BICD1: variants seen among roughly 807,000 people sequenced by gnomAD.
BICD1 encodes the protein protein bicaudal D homolog 1.
A neutral mutation model predicts 92.5 loss-of-function variants in BICD1; 35 were observed. The observed-to-expected ratio is 0.38, with a 90% confidence interval of 0.29 to 0.50. The LOEUF is 0.50. Among genes scored for constraint, BICD1 ranks in the 20% least tolerant of loss-of-function variants. The pLI, the probability that BICD1 is intolerant of heterozygous loss-of-function variation, is 0.93. For missense variants in BICD1, 950 were observed against 1,189.8 expected, an observed-to-expected ratio of 0.80 and a Z score of 2.97; for synonymous variants, 429 against 465.1, an observed-to-expected ratio of 0.92 and a Z score of 1.00.
intron 1 of BICD1, among the ~76,000 whole-genome samples, chr12:32,124,686 G>C (rs1168644794): frequency 6.6e-6 from 1 of 152,158 alleles, no homozygotes; most frequent in African/African-American, 2.4e-5. Context: ...TGAAGAATAA[G>C]TAGGGATTTT....
chr12:32,302,280 TTA>T (rs1362800739), intron 3 of BICD1, among the ~76,000 whole-genome samples: 2 of 152,202 alleles, frequency 1.3e-5, no homozygotes, highest in Non-Finnish European at 2.9e-5. Flanking sequence ...TCCAAAAGTT[TTA>T]TAACGTGTTA....
At chr12:32,138,867 A>T (rs1359244756) in intron 1 of BICD1, among the ~76,000 whole-genome samples, 2 of 152,192 alleles carry the variant, frequency 1.3e-5, no homozygotes, top group African/African-American at 4.8e-5. Flanking sequence ...ATATAATTAG[A>T]TATCTATATA....
intron 1 of BICD1, among the ~76,000 whole-genome samples, chr12:32,163,867 C>T (rs970857321): frequency 3.3e-5 from 5 of 152,108 alleles, no homozygotes; most frequent in Admixed American, 6.6e-5. Flanking sequence ...AAGACCCCTG[C>T]GTTATCATTT....
intron 2 of BICD1, among the ~76,000 whole-genome samples, chr12:32,219,056 G>A (rs1945438629): frequency 6.6e-6 from 1 of 152,148 alleles, no homozygotes; most frequent in Non-Finnish European, 1.5e-5. Context: ...ATTAACTGAT[G>A]TACAGTGATT....
chr12:32,169,994 C>T (rs1943888252), intron 1 of BICD1, among the ~76,000 whole-genome samples: 1 of 152,182 alleles, frequency 6.6e-6, no homozygotes, highest in Non-Finnish European at 1.5e-5. Flanking sequence ...ACTGTAGAGG[C>T]GAGAATGTGG....
intron 3 of BICD1, among the ~76,000 whole-genome samples, chr12:32,296,735 T>A (rs1305833846): frequency 6.6e-6 from 1 of 152,138 alleles, no homozygotes; most frequent in Non-Finnish European, 1.5e-5. Flanking sequence ...TGGAGAGCCT[T>A]CCCTGACCGC....
chr12:32,271,493 AG>A (rs1317726516), intron 2 of BICD1, among the ~76,000 whole-genome samples: 1 of 152,204 alleles, frequency 6.6e-6, no homozygotes, highest in African/African-American at 2.4e-5. Context: ...CAGACCAGAT[AG>A]CACTTGAGAT....
chr12:32,273,564 T>C (rs1947197953), intron 2 of BICD1, among the ~76,000 whole-genome samples: 1 of 152,208 alleles, frequency 6.6e-6, no homozygotes, highest in African/African-American at 2.4e-5. Flanking sequence ...GTCACATTGC[T>C]GAAACTGGAT....
At chr12:32,287,526 G>C (rs982862016) in intron 2 of BICD1, among the ~76,000 whole-genome samples, 1 of 150,382 alleles carries the variant, frequency 6.6e-6, no homozygotes, top group African/African-American at 2.4e-5. Context: ...GCTCAGCTGG[G>C]TGGTGTTTTT....
intron 2 of BICD1, among the ~76,000 whole-genome samples, chr12:32,247,742 G>T (rs1380506478): frequency 6.6e-6 from 1 of 151,752 alleles, no homozygotes; most frequent in Non-Finnish European, 1.5e-5. Context: ...GCAGTGAGCC[G>T]AGATTGCACC....
At chr12:32,142,749 ATTTTC>A (rs1033790150) in intron 1 of BICD1, among the ~76,000 whole-genome samples, 1 of 151,952 alleles carries the variant, frequency 6.6e-6, no homozygotes, top group Non-Finnish European at 1.5e-5. Context: ...AGCTTTTCTT[ATTTTC>A]TTTTCTTCAA....
At chr12:32,274,084 A>C (rs1947215511) in intron 2 of BICD1, among the ~76,000 whole-genome samples, 2 of 152,210 alleles carry the variant, frequency 1.3e-5, no homozygotes, top group Admixed American at 1.3e-4. Flanking sequence ...TTAGGCTTGA[A>C]GGCAGGGTTT....
intron 1 of BICD1, chr12:32,108,571 T>C (rs1592307850): frequency 3.1e-6 from 2 of 653,500 alleles, no homozygotes; most frequent in East Asian, 2.7e-5. Context: ...TTTAGGTGCA[T>C]ATTGACATTT....
chr12:32,309,950 T>C (rs186107399), intron 4 of BICD1, among the ~76,000 whole-genome samples: 2 of 152,316 alleles, frequency 1.3e-5, no homozygotes, highest in Non-Finnish European at 2.9e-5. Context: ...ATAGTTCCTT[T>C]ATCTCTTAGG....
intron 8 of BICD1, among the ~76,000 whole-genome samples, chr12:32,347,148 T>C (rs1938663808): frequency 6.6e-6 from 1 of 151,050 alleles, no homozygotes; most frequent in African/African-American, 2.4e-5. Context: ...ACAGGGTTTC[T>C]CCATGTTGGT....
intron 8 of BICD1, among the ~76,000 whole-genome samples, chr12:32,342,124 A>ATCTATATATATATG (rs1938389602): frequency 4.8e-5 from 4 of 83,850 alleles, no homozygotes; most frequent in African/African-American, 2.6e-4. Context: ...TTACATATAT[A>ATCTATATATATATG]TGTATATATA....
intron 2 of BICD1, among the ~76,000 whole-genome samples, chr12:32,257,455 C>T (rs992589449): frequency 2.6e-5 from 4 of 152,062 alleles, no homozygotes; most frequent in Non-Finnish European, 5.9e-5. Flanking sequence ...TCTTTGGAGA[C>T]TTCAAAGACT....
chr12:32,327,795 A>G lies in BICD1; in HGVS notation c.1340A>G (p.Asn447Ser). The change falls in exon 5 of 10, where the codon AAC (asparagine) becomes AGC (serine). Residue 447 changes from asparagine (N) to serine (S), a missense_variant. Asn to Ser is a conservative substitution (Grantham distance 46). Around this residue, in one of 5 missense-constraint regions of BICD1, gnomAD observed 309 missense variants for 499.4 expected, o/e 0.62. Coordinates refer to ENST00000652176, the MANE Select transcript of BICD1 (RefSeq NM_001714.4). Reference sequence around the variant, plus strand: ...GAGAAATATAATAAATCTGTAGAAAACTACACTGATGAGAAGGCCAAGTAT... The same window carrying G: ...GAGAAATATAATAAATCTGTAGAAAGCTACACTGATGAGAAGGCCAAGTAT... ...LKEKYNKSVE[N>S]YTDEKAKYES... 6.2e-7 allele frequency: 1 copy of G among 1,614,096 alleles called. No homozygotes were observed. Among genetic ancestry groups the G allele is most frequent in the Non-Finnish European group, 8.5e-7 (1 of 1,180,008 alleles).
intron 2 of BICD1, among the ~76,000 whole-genome samples, chr12:32,244,831 G>A (rs985348283): frequency 9.9e-5 from 15 of 152,108 alleles, no homozygotes; most frequent in Admixed American, 5.2e-4. Flanking sequence ...GTTTCACCAT[G>A]TTGGCCAGTA....
Sources: allele counts gnomAD v4.1 joint callset (sites outside exome capture counted in the v4.1 genomes callset), GRCh38; gene constraint gnomAD v4.1.1; regional missense constraint gnomAD v4.1.1; transcripts MANE v1.5; gene names NCBI Gene and HGNC (gene_info 2026-07-23, HGNC 2026-07-21).